Variants in CRMP1 observed in about 807,000 individuals in gnomAD.
The protein encoded by CRMP1 is collapsin response mediator protein 1.
In CRMP1, 19 loss-of-function variants were observed where a neutral mutation model predicts 68.3. The observed-to-expected ratio is 0.28, with a 90% CI of 0.19 to 0.41. CRMP1 has a LOEUF of 0.41. Ranked by LOEUF, CRMP1 falls within the 10% of genes least tolerant of loss-of-function variation. The probability of loss-of-function intolerance (pLI) is 1.00; values close to 1 mark genes in which losing one functional copy is unlikely to be tolerated. For missense variants in CRMP1, 791 were observed against 967.4 expected, an observed-to-expected ratio of 0.82 and a Z score of 2.42; for synonymous variants, 439 against 399.6, an observed-to-expected ratio of 1.10 and a Z score of -1.18.
Position 5,866,476 on chromosome 4 carries a change from G to A in CRMP1, c.470+192C>T, listed in dbSNP as rs1196266337. ...GTGTGGCAGGGAGCCTAGCCCGGGGGGGCACCCAAGAAATGCCAGCCCCTT... is the reference window on the plus strand; with the variant it reads ...GTGTGGCAGGGAGCCTAGCCCGGGGAGGCACCCAAGAAATGCCAGCCCCTT... On this transcript the variant is annotated intron_variant, in intron 2 of 13. Transcript: ENST00000324989. The surrounding 1 kb of genome is among the most constrained non-coding windows in gnomAD (Gnocchi z 5.9). Among the ~76,000 whole-genome samples, 1 of 152,176 alleles carries A rather than the reference G, an allele frequency of 6.6e-6. No homozygotes were observed. The highest frequency in any genetic ancestry group is 2.4e-5 in the African/African-American group (1 of 41,434).
At position 5,821,943 on chromosome 4, in the gene CRMP1, C is replaced by CCTTAGCAGAAGTCGTAACCCCGCCCCA; in HGVS notation, c.1970-93_1970-92insTGGGGCGGGGTTACGACTTCTGCTAAG. On this transcript the variant is annotated intron_variant, in intron 13 of 13. Coordinates refer to ENST00000324989, the MANE Select transcript of CRMP1 (RefSeq NM_001014809.3). The surrounding 1 kb of genome is among the most constrained non-coding windows in gnomAD (Gnocchi z 4.4). ...GCCATGTACTCTGCCATGCACTCCA[C>CCTTAGCAGAAGTCGTAACCCCGCCCCA]TGGACCCACCTTCATTCAGGGCTCA... 65 of 1,141,524 alleles carry CCTTAGCAGAAGTCGTAACCCCGCCCCA rather than the reference C, an allele frequency of 5.7e-5. No homozygotes were observed. The highest frequency in any genetic ancestry group is 2.0e-4 in the Middle Eastern group (1 of 5,044). The allele number at this position is 1,141,524 out of a possible 1,614,324, so 70.7% of individuals were successfully genotyped here. A position where few individuals can be genotyped will look rare whatever the true frequency, so the allele number is the denominator to read the frequency against.
chr4:5,891,088 CA>C lies in CRMP1; in HGVS notation c.381+1500del, dbSNP rs1174181777. ...TCGGACCACCAGGGAAGGTAGTGGA[CA>C]GGGGGAGATACAGAAGGGGTGGGGG... On this transcript the variant is annotated intron_variant, in intron 1 of 13. Transcript: ENST00000324989. This position sits in a 1 kb window ranked among gnomAD's most constrained non-coding sequence, Gnocchi z 5.2. Among the ~76,000 whole-genome samples, 1 of 151,058 alleles carries C rather than the reference CA, an allele frequency of 6.6e-6. No homozygotes were observed. The highest frequency in any genetic ancestry group is 1.5e-5 in the Non-Finnish European group (1 of 67,832).
intron 9 of CRMP1, among the ~76,000 whole-genome samples, chr4:5,837,672 A>AT (rs1720817070): frequency 9.0e-6 from 1 of 110,888 alleles, no homozygotes; most frequent in South Asian, 2.7e-4. Context: ...ATAAAATAAA[A>AT]TAAAATAAAT....
rs1173949630 is a variant in CRMP1, at chr4:5,890,833, G to A, written c.381+1756C>T. Among the ~76,000 whole-genome samples, 1 of 152,056 alleles carries A rather than the reference G, an allele frequency of 6.6e-6. No individual in the cohort carries two copies. The highest frequency in any genetic ancestry group is 2.0e-4 in the East Asian group (1 of 5,126). On this transcript the variant is annotated intron_variant, in intron 1 of 13. Transcript: ENST00000324989. The surrounding 1 kb of genome is among the most constrained non-coding windows in gnomAD (Gnocchi z 5.5). ...CCGCAGTTCCAGAGGAACTCTCCTT[G>A]GGACAGCTACGGGCCGTGCACAAAG...
chr4:5,841,240 C>G lies in CRMP1; in HGVS notation c.1153+68G>C. 1 of 1,612,768 alleles carries G rather than the reference C, an allele frequency of 6.2e-7. No individual in the cohort carries two copies. Among genetic ancestry groups the G allele is most frequent in the Non-Finnish European group, 8.5e-7 (1 of 1,179,502 alleles). ...CTGTCTGAGTTCGGGAGGGAGTGAA[C>G]TTGAACCTGCAGGACACCCCCTTCC... On this transcript the variant is annotated intron_variant, in intron 8 of 13. Coordinates refer to ENST00000324989, the MANE Select transcript of CRMP1 (RefSeq NM_001014809.3). This position sits in a 1 kb window ranked among gnomAD's most constrained non-coding sequence, Gnocchi z 6.9.
rs1328411308 is a variant in CRMP1 at position 5,865,884 on chromosome 4, CAGCCAGAAGGTGGTGTCTGCA to C, written c.470+763_470+783del. Among the ~76,000 whole-genome samples, 31 of 152,212 alleles carry C rather than the reference CAGCCAGAAGGTGGTGTCTGCA, an allele frequency of 2.0e-4. No homozygotes were observed. The highest frequency in any genetic ancestry group is 1.4e-3 in the Admixed American group (21 of 15,298). On this transcript the variant is annotated intron_variant, in intron 2 of 13. Coordinates refer to ENST00000324989, the MANE Select transcript of CRMP1 (RefSeq NM_001014809.3). This position sits in a 1 kb window ranked among gnomAD's most constrained non-coding sequence, Gnocchi z 4.1. ...ACACACAGAAAGGGCCCTGTGAGGA[CAGCCAGAAGGTGGTGTCTGCA>C]AGCCAGAAGGTGGTGTCTGCAAGCC...
Position 5,825,839 on chromosome 4 carries a change from GCATT to G in CRMP1, c.1804-184_1804-181del, listed in dbSNP as rs1719491241. On this transcript the variant is annotated intron_variant, in intron 12 of 13. Coordinates refer to ENST00000324989, the MANE Select transcript of CRMP1 (RefSeq NM_001014809.3). This position sits in a 1 kb window ranked among gnomAD's most constrained non-coding sequence, Gnocchi z 4.4. Reference sequence around the variant, plus strand: ...TTCACACACATGCAGCCGCACACAGGCATTCATACACACAAGCATGCATACACAC... The same window carrying G: ...TTCACACACATGCAGCCGCACACAGGCATACACACAAGCATGCATACACAC... 1 of 610,070 alleles carries G rather than the reference GCATT, an allele frequency of 1.6e-6. No individual in the cohort carries two copies. Among genetic ancestry groups the G allele is most frequent in the East Asian group, 3.1e-5 (1 of 32,140 alleles). The allele number at this position is 610,070 out of a possible 1,614,324, so 37.8% of individuals were successfully genotyped here.
At chr4:5,867,034 C>T (rs1334554287) in intron 1 of CRMP1, among the ~76,000 whole-genome samples, 1 of 152,142 alleles carries the variant, frequency 6.6e-6, no homozygotes, top group Non-Finnish European at 1.5e-5. Context: ...TTCACTAGAT[C>T]TCTCTCACTG....
In CRMP1 at chr4:5,821,939, T is replaced by C. The variant is rs780878675; in HGVS notation, c.1970-88A>G. ...GGAGGCCATGTACTCTGCCATGCAC[T>C]CCACTGGACCCACCTTCATTCAGGG... is the stretch of plus-strand genomic sequence containing the variant. On this transcript the variant is annotated intron_variant, in intron 13 of 13. Transcript: ENST00000324989. The surrounding 1 kb of genome is among the most constrained non-coding windows in gnomAD (Gnocchi z 4.4). 1.7e-4 allele frequency: 199 copies of C among 1,182,190 alleles called. No individual in the cohort carries two copies. The highest frequency in any genetic ancestry group is 2.2e-4 in the Non-Finnish European group (189 of 841,268). The allele number at this position is 1,182,190 out of a possible 1,614,324, so 73.2% of individuals were successfully genotyped here. A position where few individuals can be genotyped will look rare whatever the true frequency, so the allele number is the denominator to read the frequency against.
intron 6 of CRMP1, among the ~76,000 whole-genome samples, chr4:5,845,067 C>A (rs909122478): frequency 6.6e-6 from 1 of 152,210 alleles, no homozygotes; most frequent in African/African-American, 2.4e-5. Flanking sequence ...GGATCTCACA[C>A]GCCTCGGATT....
intron 6 of CRMP1, among the ~76,000 whole-genome samples, chr4:5,847,381 T>C (rs980364418): frequency 5.9e-5 from 9 of 152,244 alleles, no homozygotes; most frequent in South Asian, 4.1e-4. Flanking sequence ...GTAATTTGCA[T>C]GGGAGAGGAA....
intron 13 of CRMP1, among the ~76,000 whole-genome samples, 154 bp from the exon 14 acceptor site, chr4:5,822,005 A>C (rs1718671033): frequency 8.1e-6 from 1 of 123,450 alleles, no homozygotes. Flanking sequence ...CCTGGCCTCC[A>C]CAGAGTCCAC....
intron 11 of CRMP1, among the ~76,000 whole-genome samples, chr4:5,832,482 G>A (rs535999490): frequency 5.9e-5 from 9 of 152,256 alleles, no homozygotes; most frequent in African/African-American, 2.2e-4. Context: ...CTAATCACTG[G>A]TCAATATATA....
rs551836923 is a variant in CRMP1, at chr4:5,872,718, A to G, written c.382-5962T>C. Among the ~76,000 whole-genome samples the G allele has an allele frequency of 5.9e-5, 9 of 152,326 alleles. No individual in the cohort carries two copies. The South Asian group carries it at 1.9e-3, about 32-fold the overall frequency. On this transcript the variant is annotated intron_variant, in intron 1 of 13. Transcript: ENST00000324989. This position sits in a 1 kb window ranked among gnomAD's most constrained non-coding sequence, Gnocchi z 4.6. ...CAATTATTATGTATAAACCTTGAAG[A>G]AATAAAGCATCTCATGAAAAACTCA... is the stretch of plus-strand genomic sequence containing the variant.
At position 5,865,739 on chromosome 4, in the gene CRMP1, C is replaced by A. The variant is rs753165122; in HGVS notation, c.470+929G>T. Among the ~76,000 whole-genome samples the A allele has an allele frequency of 6.6e-6, 1 of 151,992 alleles. No individual in the cohort carries two copies. Among genetic ancestry groups the A allele is most frequent in the Non-Finnish European group, 1.5e-5 (1 of 68,014 alleles). ...GCCCACCCCATGGGACTACCTTTAG[C>A]GACAGGGCCTTTAAGGAGGTGATTA... On this transcript the variant is annotated intron_variant, in intron 2 of 13. Transcript: ENST00000324989. This position sits in a 1 kb window ranked among gnomAD's most constrained non-coding sequence, Gnocchi z 4.1.
At chr4:5,844,415 A>AG (rs1409045227) in intron 6 of CRMP1, among the ~76,000 whole-genome samples, 2 of 152,070 alleles carry the variant, frequency 1.3e-5, no homozygotes, top group Non-Finnish European at 2.9e-5. Flanking sequence ...GCCAGGAGGG[A>AG]GGGAGAAGAG....
chr4:5,882,987 A>G (rs188365545), intron 1 of CRMP1, among the ~76,000 whole-genome samples: 19 of 152,284 alleles, frequency 1.2e-4, no homozygotes, highest in Admixed American at 9.2e-4. Context: ...AAAGCTTTAT[A>G]GAATCCCCCC....
rs764477188 is a variant in CRMP1 at position 5,834,387 on chromosome 4, C to T, written c.1623+1528G>A. Among the ~76,000 whole-genome samples the T allele has an allele frequency of 4.6e-5, 7 of 152,216 alleles. No homozygotes were observed. The highest frequency in any genetic ancestry group is 7.3e-5 in the Non-Finnish European group (5 of 68,042). On this transcript the variant is annotated intron_variant, in intron 11 of 13. Coordinates refer to ENST00000324989, the MANE Select transcript of CRMP1 (RefSeq NM_001014809.3). This position sits in a 1 kb window ranked among gnomAD's most constrained non-coding sequence, Gnocchi z 4.3. ...ATGAGTTAGTTATTGTGAGACTGGG[C>T]TTGTTATAAAAGCAAATTCAGCGTC...
At chr4:5,823,622 G>C (rs116728324) in intron 13 of CRMP1, among the ~76,000 whole-genome samples, 1 of 152,126 alleles carries the variant, frequency 6.6e-6, no homozygotes, top group Non-Finnish European at 1.5e-5. Context: ...ATTAGCTCTC[G>C]GAAGAACTGG....
Sources: gnomAD v4.1 joint callset for allele counts (sites outside exome capture counted in the v4.1 genomes callset) on GRCh38, gnomAD v4.1.1 for gene constraint, Gnocchi (gnomAD v3.1) non-coding constraint, MANE v1.5 for transcripts, NCBI Gene and HGNC (gene_info 2026-07-23, HGNC 2026-07-21) for gene names.